The following TSLP variants were observed in gnomAD, a reference collection of about 807,000 sequenced individuals.
TSLP encodes the protein thymic stromal lymphopoietin.
TSLP carries 12 observed loss-of-function variants against 12.4 expected under a neutral mutation model. The observed-to-expected ratio is 0.97, with a 90% CI of 0.62 to 1.57. TSLP has a LOEUF of 1.57. Among genes scored for constraint, TSLP ranks in the 40% most tolerant of loss-of-function variants. The probability of loss-of-function intolerance (pLI) is 0.00; values close to 1 mark genes in which losing one functional copy is unlikely to be tolerated. For synonymous variants in TSLP, 97 were observed against 69.5 expected (o/e 1.40, Z -1.97); for missense variants, 222 against 189.6 (o/e 1.17, Z -1.00).
At chr5:111,072,778 G>A (rs994152580) in intron 1 of TSLP, 110 bp from the exon 2 acceptor site, 15 of 1,101,248 alleles carry the variant, frequency 1.4e-5, no homozygotes, top group Admixed American at 5.3e-5. Flanking sequence ...TACCTGAGTG[G>A]AAACTGTTTT....
chr5:111,072,747 G>C (rs1267380463), intron 1 of TSLP, 141 bp from the exon 2 acceptor site: 18 of 842,734 alleles, frequency 2.1e-5, no homozygotes, highest in Non-Finnish European at 2.0e-6. Flanking sequence ...TCACTGCCTT[G>C]TCAATGACAT....
chr5:111,071,572 C>T, upstream of TSLP: 1 of 1,512,142 alleles, frequency 6.6e-7, no homozygotes, highest in Non-Finnish European at 8.8e-7. Context: ...GATTTAGCTA[C>T]TCCTTTTTTT....
chr5:111,072,750 A>T (rs948768741), intron 1 of TSLP, 138 bp from the exon 2 acceptor site: 2 of 852,684 alleles, frequency 2.3e-6, no homozygotes, highest in Non-Finnish European at 4.0e-6. Context: ...CTGCCTTGTC[A>T]ATGACATAGG....
chr5:111,072,425 G>A (rs1298817259), intron 1 of TSLP, among the ~76,000 whole-genome samples: 1 of 152,226 alleles, frequency 6.6e-6, no homozygotes, highest in Admixed American at 6.5e-5. Flanking sequence ...TCTAAGGATT[G>A]ATGCTGTGCT....
At chr5:111,075,885 T>C (rs1490888440) in intron 3 of TSLP, 61 bp from the exon 4 acceptor site, 9 of 1,566,600 alleles carry the variant, frequency 5.7e-6, no homozygotes, top group Non-Finnish European at 7.0e-6. Flanking sequence ...TTAAACCTGC[T>C]CTCAACAGTT....
chr5:111,074,019 G>C (rs577591038), intron 3 of TSLP, among the ~76,000 whole-genome samples: 16 of 152,262 alleles, frequency 1.1e-4, no homozygotes, highest in African/African-American at 3.9e-4. Flanking sequence ...AGATTATGGG[G>C]CTCCTTAAGA....
At chr5:111,073,005 T>C in intron 2 of TSLP, 73 bp downstream of exon 2, 5 of 1,560,652 alleles carry the variant, frequency 3.2e-6, no homozygotes, top group South Asian at 1.1e-5. Context: ...AGTATCCTGC[T>C]ACGTGCAGAA....
At chr5:111,073,448 C>A in intron 2 of TSLP, 63 bp from the exon 3 acceptor site, 1 of 1,607,026 alleles carries the variant, frequency 6.2e-7, no homozygotes, top group South Asian at 1.1e-5. Context: ...ACTCAATTCT[C>A]ACCAACTCTT....
At chr5:111,075,238 C>A (rs1580377999) in intron 3 of TSLP, among the ~76,000 whole-genome samples, 1 of 152,062 alleles carries the variant, frequency 6.6e-6, no homozygotes, top group Non-Finnish European at 1.5e-5. Flanking sequence ...AAGATTTGTG[C>A]TTAATAACCC....
At chr5:111,073,297 G>C (rs763258956) in intron 2 of TSLP, 1 of 1,420,600 alleles carries the variant, frequency 7.0e-7, no homozygotes, top group African/African-American at 1.4e-5. Flanking sequence ...GTCTTTTCGC[G>C]ACGAGTGCCC....
chr5:111,072,426 A>T (rs965921232), intron 1 of TSLP, among the ~76,000 whole-genome samples: 8 of 152,226 alleles, frequency 5.3e-5, no homozygotes, highest in African/African-American at 1.9e-4. Context: ...CTAAGGATTG[A>T]TGCTGTGCTC....
intron 3 of TSLP, among the ~76,000 whole-genome samples, chr5:111,075,044 G>C (rs138301674): frequency 0.014 from 2,125 of 152,242 alleles, 25 homozygotes; most frequent in Non-Finnish European, 0.019. Flanking sequence ...TCTTATGAAG[G>C]AGACCCTGGC....
At chr5:111,072,122 A>T in intron 1 of TSLP, 61 bp downstream of exon 1, 1 of 1,364,466 alleles carries the variant, frequency 7.3e-7, no homozygotes, top group Non-Finnish European at 1.0e-6. Context: ...GCATACACAC[A>T]CTCTACAATT....
intron 1 of TSLP, among the ~76,000 whole-genome samples, chr5:111,072,440 G>C (rs879323559): frequency 2.0e-5 from 3 of 152,164 alleles, no homozygotes; most frequent in Non-Finnish European, 4.4e-5. Flanking sequence ...TGTGCTCCAG[G>C]TCTCTCCAGT....
In TSLP at chr5:111,073,579, A is replaced by G; in HGVS notation, c.285A>G (p.Lys95=). 1.9e-6 allele frequency: 3 copies of G among 1,614,210 alleles called. No homozygotes were observed. In the South Asian group the frequency reaches 3.3e-5, roughly 18 times the overall value. Residue 95 remains lysine (K), a synonymous_variant, in exon 3 of 4, where the codon AAA becomes AAG. Transcript: ENST00000344895. ...NPTAGCASLA[K]EMFAMKTKAA... ...CCGCCGGCTGCGCGTCGCTCGCCAA[A>G]GAAATGTTCGCCATGAAAACTAAGG...
rs1405403468 is a variant in TSLP at position 111,073,548 on chromosome 5, A to G, written c.254A>G (p.Asn85Ser). ...CLTEIQSLTF[N>S]PTAGCASLAK... is the part of the protein sequence containing the mutation. ...ACTGAAATCCAGAGCCTAACCTTCAATCCCACCGCCGGCTGCGCGTCGCTC... is the reference window on the plus strand; with the variant it reads ...ACTGAAATCCAGAGCCTAACCTTCAGTCCCACCGCCGGCTGCGCGTCGCTC... The change falls in exon 3 of 4, where the codon AAT becomes AGT. Residue 85 changes from asparagine (N) to serine (S), a missense_variant. Transcript: ENST00000344895. 4 of 1,613,904 alleles carry G rather than the reference A, an allele frequency of 2.5e-6. No individual in the cohort carries two copies. The highest frequency in any genetic ancestry group is 2.2e-5 in the East Asian group (1 of 44,870).
In TSLP at chr5:111,071,903, G is replaced by A. The variant is rs766174320; in HGVS notation, c.13G>A (p.Ala5Thr). The change falls in exon 1 of 4, where the codon GCC becomes ACC. Residue 5 changes from alanine to threonine, a missense_variant. Coordinates refer to ENST00000344895, the MANE Select transcript of TSLP (RefSeq NM_033035.5). ...TGGGTGTCCACGTATGTTCCCTTTT[G>A]CCTTACTATATGTTCTGTCAGTTTC... MFPF[A>T]LLYVLSVSFR... 2.5e-5 allele frequency: 40 copies of A among 1,613,912 alleles called. No homozygotes were observed. The highest frequency in any genetic ancestry group is 3.1e-5 in the Non-Finnish European group (37 of 1,179,942).
At position 111,073,523 on chromosome 5, in the gene TSLP, A is replaced by G. The variant is rs770591162; in HGVS notation, c.229A>G (p.Thr77Ala). ...CGCCTATGAGCAGCCACATTGCCTT[A>G]CTGAAATCCAGAGCCTAACCTTCAA... ...VSCSNRPHCL[T>A]EIQSLTFNPT... The change falls in exon 3 of 4, where the codon ACT becomes GCT. Residue 77 changes from threonine to alanine, a missense_variant. Coordinates refer to ENST00000344895, the MANE Select transcript of TSLP (RefSeq NM_033035.5). 4 of 1,613,936 alleles carry G rather than the reference A, an allele frequency of 2.5e-6. No individual in the cohort carries two copies. In the Admixed American group the frequency reaches 5.0e-5, roughly 20 times the overall value.
chr5:111,071,215 G>C (rs944106626), upstream of TSLP: 2 of 402,180 alleles, frequency 5.0e-6, no homozygotes, highest in Non-Finnish European at 8.8e-6. Flanking sequence ...AAGTGCTGTC[G>C]AAGACTGAGA....
Sources: allele counts gnomAD v4.1 joint callset (sites outside exome capture counted in the v4.1 genomes callset), GRCh38; gene constraint gnomAD v4.1.1; transcripts MANE v1.5; gene names NCBI Gene and HGNC (gene_info 2026-07-23, HGNC 2026-07-21).